ACOT11: variants seen among roughly 807,000 people sequenced by gnomAD.
The protein encoded by ACOT11 is acyl-coenzyme A thioesterase 11.
A neutral mutation model predicts 77.5 loss-of-function variants in ACOT11; 69 were observed. The ratio of observed to expected loss-of-function variants is 0.89; its 90% CI spans 0.73 to 1.09. The LOEUF is 1.09. ACOT11 is among the 50% of genes least tolerant of loss of function. ACOT11 has a pLI of 0.00. For missense variants in ACOT11, 766 were observed against 813.7 expected (o/e 0.94, Z 0.71); for synonymous variants, 279 against 313.0 (o/e 0.89, Z 1.15).
rs1644094387 is a variant in ACOT11, at chr1:54,609,839, T to A, written c.*727T>A. On this transcript the variant is annotated 3_prime_UTR_variant, in exon 16 of 16. Coordinates refer to ENST00000343744, the MANE Select transcript of ACOT11 (RefSeq NM_147161.4). Reference sequence around the variant, plus strand: ...TGTGGCCAGCTGCTGCAGGCAGGACTCCAGCGTCAGGATGTTGCCACTTGG... The same window carrying A: ...TGTGGCCAGCTGCTGCAGGCAGGACACCAGCGTCAGGATGTTGCCACTTGG... The A allele has an allele frequency of 6.2e-7, 1 of 1,614,132 alleles. No individual in the cohort carries two copies. The highest frequency in any genetic ancestry group is 1.1e-5 in the South Asian group (1 of 91,084).
At chr1:54,627,753 G>A (rs1208097736) in intron 15 of ACOT11, among the ~76,000 whole-genome samples, 3 of 134,148 alleles carry the variant, frequency 2.2e-5, no homozygotes, top group African/African-American at 7.6e-5. Flanking sequence ...CTCCTGGGTG[G>A]GCCAGGAGGC....
At chr1:54,559,588 GTTTTC>G (rs1653394642) in intron 1 of ACOT11, among the ~76,000 whole-genome samples, 1 of 147,234 alleles carries the variant, frequency 6.8e-6, no homozygotes, top group African/African-American at 2.5e-5. Context: ...ATGGTGAATA[GTTTTC>G]TTTTTTTTTT....
chr1:54,591,113 C>T (rs1007315393), intron 3 of ACOT11, among the ~76,000 whole-genome samples: 12 of 152,106 alleles, frequency 7.9e-5, no homozygotes, highest in Admixed American at 2.6e-4. Context: ...ATGCTTCATC[C>T]GTCACTATGT....
In ACOT11 at chr1:54,548,308, C is replaced by T. The variant is rs1201402696; in HGVS notation, c.-2C>T. ...CGCTGCTTTCCCCGGCCACCCGGCG[C>T]GATGATCCAGAATGTCGGAAATCAC... On this transcript the variant is annotated 5_prime_UTR_variant, in exon 1 of 16. Coordinates refer to ENST00000343744, the MANE Select transcript of ACOT11 (RefSeq NM_147161.4). The T allele has an allele frequency of 1.1e-5, 18 of 1,597,344 alleles. No individual in the cohort carries two copies. The highest frequency in any genetic ancestry group is 1.7e-4 in the Middle Eastern group (1 of 5,926).
In ACOT11 at chr1:54,609,417, C is replaced by A. The variant is rs199668243; in HGVS notation, c.*305C>A. ...CCAGCTGGGTTGTGCTCCACTGTGA[C>A]GGTGGCCCGGGGGGAGGATGCCAGC... On this transcript the variant is annotated 3_prime_UTR_variant, in exon 16 of 16. Transcript: ENST00000343744. 5.6e-6 allele frequency: 9 copies of A among 1,613,958 alleles called. No homozygotes were observed. The East Asian group carries it at 8.9e-5, about 16-fold the overall frequency.
intron 1 of ACOT11, among the ~76,000 whole-genome samples, chr1:54,563,759 A>G (rs1358908843): frequency 6.6e-6 from 1 of 151,342 alleles, no homozygotes; most frequent in Non-Finnish European, 1.5e-5. Context: ...TCTTACTAAA[A>G]ATAACATTTA....
At chr1:54,593,920 G>C (rs2304307) in intron 4 of ACOT11, 21 bp from the exon 5 acceptor site, 2 of 1,606,574 alleles carry the variant, frequency 1.2e-6, no homozygotes, top group African/African-American at 2.7e-5. Context: ...TCATTCCTTC[G>C]CCCTTACTGT....
At position 54,560,849 on chromosome 1, in the gene ACOT11, G is replaced by A. The variant is rs183904156; in HGVS notation, c.33+12507G>A. On this transcript the variant is annotated intron_variant, in intron 1 of 15. Transcript: ENST00000343744. ...CAATTCCCCTTCGTCAGCCTCCTGA[G>A]TAGCTGGGATTACAGGCGCCTGCCA... Among the ~76,000 whole-genome samples the A allele has an allele frequency of 6.0e-3, 917 of 152,264 alleles. 9 individuals are homozygous for A. The highest frequency in any genetic ancestry group is 0.027 in the Middle Eastern group (8 of 294).
At chr1:54,610,340 C>G (rs572219475), downstream of ACOT11, 138 of 1,568,938 alleles carry the variant, frequency 8.8e-5, 2 homozygotes, top group South Asian at 1.5e-3. Context: ...CAGAGACCGG[C>G]GGTACCTGCC....
exon 17 of ACOT11, chr1:54,634,937 A>G (rs754139725): frequency 6.1e-5 from 31 of 511,226 alleles, no homozygotes; most frequent in Non-Finnish European, 1.0e-4. Flanking sequence ...ACCAGTCACA[A>G]TGAATAATTT....
At chr1:54,615,900 G>C (rs1027613092) in intron 15 of ACOT11, 22 of 1,026,938 alleles carry the variant, frequency 2.1e-5, no homozygotes, top group Non-Finnish European at 2.9e-5. Flanking sequence ...TGATGAGAAA[G>C]CCAAGGCAAT....
Position 54,597,240 on chromosome 1 carries a change from T to C in ACOT11, c.608-19T>C. ...GTTCTCACCTCCCTGCTTCCCTCCCTTATCCCATCCCTGGTCAGATCTGGA... is the reference window on the plus strand; with the variant it reads ...GTTCTCACCTCCCTGCTTCCCTCCCCTATCCCATCCCTGGTCAGATCTGGA... On this transcript the variant is annotated intron_variant, in intron 6 of 15. Coordinates refer to ENST00000343744, the MANE Select transcript of ACOT11 (RefSeq NM_147161.4). 1 of 1,608,904 alleles carries C rather than the reference T, an allele frequency of 6.2e-7. No individual in the cohort carries two copies. The highest frequency in any genetic ancestry group is 1.1e-5 in the South Asian group (1 of 91,070).
At chr1:54,637,079 G>C (rs1439837139) in exon 17 of ACOT11, 1 of 152,294 alleles carries the variant, frequency 6.6e-6, no homozygotes, top group East Asian at 1.9e-4. Flanking sequence ...GTAACAATCT[G>C]ATCTCTCTTT....
At chr1:54,606,299 A>G (rs1644025418) in intron 13 of ACOT11, among the ~76,000 whole-genome samples, 1 of 152,148 alleles carries the variant, frequency 6.6e-6, no homozygotes, top group African/African-American at 2.4e-5. Flanking sequence ...GGCCAGACCA[A>G]ATCTTGATAC....
At chr1:54,548,475 G>A in intron 1 of ACOT11, 133 bp downstream of exon 1, 17 of 1,225,652 alleles carry the variant, frequency 1.4e-5, no homozygotes, top group Non-Finnish European at 1.9e-5. Context: ...AGCTCTCTTT[G>A]GAAGGAGAAA....
rs778625279 is a variant in ACOT11 at position 54,584,696 on chromosome 1, A to G, written c.75A>G (p.Ser25=). 4.3e-6 allele frequency: 7 copies of G among 1,614,162 alleles called. No homozygotes were observed. Among genetic ancestry groups the G allele is most frequent in the Non-Finnish European group, 5.1e-6 (6 of 1,180,020 alleles). The change falls in exon 2 of 16, where the codon TCA becomes TCG. Residue 25 remains serine, a synonymous_variant. Transcript: ENST00000343744. The surrounding 1 kb of genome is among the most constrained non-coding windows in gnomAD (Gnocchi z 6.3). Reference sequence around the variant, plus strand: ...TCTCCAACCGCACATCCCGGAAGTCAGCCTTACGTGCGGGGAACGACAGTG... The same window carrying G: ...TCTCCAACCGCACATCCCGGAAGTCGGCCTTACGTGCGGGGAACGACAGTG... ...SVFSNRTSRK[S]ALRAGNDSAM...
intron 3 of ACOT11, among the ~76,000 whole-genome samples, chr1:54,592,063 G>T (rs1023368364): frequency 2.0e-4 from 31 of 152,200 alleles, no homozygotes; most frequent in African/African-American, 7.2e-4. Flanking sequence ...TGTGCCATGT[G>T]CTAGGCCTTG....
intron 1 of ACOT11, among the ~76,000 whole-genome samples, chr1:54,577,982 C>G (rs975025689): frequency 6.6e-6 from 1 of 152,200 alleles, no homozygotes; most frequent in African/African-American, 2.4e-5. Flanking sequence ...GGATCCCTCT[C>G]GGGGCTGCAT....
At chr1:54,606,964 C>T (rs1644033378) in intron 13 of ACOT11, among the ~76,000 whole-genome samples, 170 bp from the exon 14 acceptor site, 3 of 152,248 alleles carry the variant, frequency 2.0e-5, no homozygotes, top group Admixed American at 1.3e-4. Context: ...GTGTGTCCAT[C>T]TTGGCTGGGC....
Sources: gnomAD v4.1 joint callset for allele counts (sites outside exome capture counted in the v4.1 genomes callset) on GRCh38, gnomAD v4.1.1 for gene constraint, Gnocchi (gnomAD v3.1) non-coding constraint, MANE v1.5 for transcripts, NCBI Gene and HGNC (gene_info 2026-07-23, HGNC 2026-07-21) for gene names.